Variants in FAM117B observed in about 807,000 individuals in gnomAD.
FAM117B encodes the protein family with sequence similarity 117 member B.
FAM117B carries 22 observed loss-of-function variants against 52.8 expected under a neutral mutation model. The ratio of observed to expected loss-of-function variants is 0.42; its 90% CI spans 0.30 to 0.59. The LOEUF (loss-of-function observed/expected upper bound fraction) is 0.59, where lower values mean the gene tolerates loss of function less well. Among genes scored for constraint, FAM117B ranks in the 20% least tolerant of loss-of-function variants. FAM117B has a pLI of 0.22. For missense variants in FAM117B, 678 were observed against 802.6 expected (o/e 0.84, Z 1.88); for synonymous variants, 309 against 324.1 (o/e 0.95, Z 0.50).
At chr2:202,764,224 C>T (rs1691941385) in intron 7 of FAM117B, among the ~76,000 whole-genome samples, 1 of 152,108 alleles carries the variant, frequency 6.6e-6, no homozygotes, top group South Asian at 2.1e-4. Context: ...TTTGTATCCT[C>T]AGAATTTAGT....
chr2:202,766,982 C>T lies in FAM117B; in HGVS notation c.*1218C>T, dbSNP rs1410194835. On this transcript the variant is annotated 3_prime_UTR_variant, in exon 8 of 8. Transcript: ENST00000392238. ...CTACAGATTTTGCTAATTTACCCCC[C>T]TAACGCTTCACATAGTGGGGAAAAT... 6.6e-6 allele frequency: 1 copy of T among 152,538 alleles called. No individual in the cohort carries two copies. The highest frequency in any genetic ancestry group is 1.5e-5 in the Non-Finnish European group (1 of 68,040). 9.4% of individuals were successfully genotyped at this position (152,538 alleles called of 1,614,324 possible). A position where few individuals can be genotyped will look rare whatever the true frequency, so the allele number is the denominator to read the frequency against.
intron 4 of FAM117B, among the ~76,000 whole-genome samples, chr2:202,749,220 C>A (rs1214341902): frequency 6.6e-6 from 1 of 151,902 alleles, no homozygotes; most frequent in Non-Finnish European, 1.5e-5. Context: ...CTCCTCACCC[C>A]AGGAATTTAT....
At chr2:202,670,794 T>C (rs994933959) in intron 1 of FAM117B, among the ~76,000 whole-genome samples, 1 of 152,236 alleles carries the variant, frequency 6.6e-6, no homozygotes, top group African/African-American at 2.4e-5. Flanking sequence ...ATTATTGTTA[T>C]TAGCTGAGCC....
intron 1 of FAM117B, among the ~76,000 whole-genome samples, chr2:202,682,885 G>A (rs1023761255): frequency 6.6e-6 from 1 of 152,126 alleles, no homozygotes; most frequent in Non-Finnish European, 1.5e-5. Flanking sequence ...CAGTTAAAAC[G>A]TGTAGAAGAA....
At chr2:202,763,982 ATGCC>A (rs1260688684) in intron 7 of FAM117B, among the ~76,000 whole-genome samples, 2 of 152,160 alleles carry the variant, frequency 1.3e-5, no homozygotes, top group African/African-American at 2.4e-5. Flanking sequence ...CTCTGTAATC[ATGCC>A]TGTTAGATTC....
chr2:202,762,904 T>C (rs140412446), intron 7 of FAM117B, among the ~76,000 whole-genome samples: 1 of 152,008 alleles, frequency 6.6e-6, no homozygotes, highest in East Asian at 1.9e-4. Context: ...GTGAGGTATA[T>C]CGTAAGTCTG....
intron 2 of FAM117B, among the ~76,000 whole-genome samples, chr2:202,707,326 AGGT>A (rs1690886935): frequency 6.6e-6 from 1 of 151,466 alleles, no homozygotes; most frequent in Admixed American, 6.6e-5. Flanking sequence ...TTGGGATTAC[AGGT>A]GTGGTCCACT....
intron 1 of FAM117B, among the ~76,000 whole-genome samples, chr2:202,661,207 T>C (rs376335974): frequency 3.9e-5 from 6 of 152,342 alleles, no homozygotes; most frequent in African/African-American, 1.4e-4. Context: ...ACTCCATATA[T>C]GCTGTCCGGG....
chr2:202,687,903 G>C (rs533934201), intron 1 of FAM117B, among the ~76,000 whole-genome samples: 2 of 152,114 alleles, frequency 1.3e-5, no homozygotes, highest in East Asian at 3.9e-4. Context: ...ATCAATATTT[G>C]GTTATGGTAT....
At chr2:202,745,250 A>G (rs1483674736) in intron 4 of FAM117B, among the ~76,000 whole-genome samples, 1 of 151,772 alleles carries the variant, frequency 6.6e-6, no homozygotes, top group Admixed American at 6.6e-5. Context: ...ACTGCACTCC[A>G]TCTTGAGTGA....
Position 202,766,962 on chromosome 2 carries a change from G to C in FAM117B, c.*1198G>C, listed in dbSNP as rs1691990229. On this transcript the variant is annotated 3_prime_UTR_variant, in exon 8 of 8. Coordinates refer to ENST00000392238, the MANE Select transcript of FAM117B (RefSeq NM_173511.4). ...TTGGCCCTGAGATTTGTTGCCTACA[G>C]ATTTTGCTAATTTACCCCCCTAACG... 6.6e-6 allele frequency: 1 copy of C among 152,526 alleles called. No homozygotes were observed. The highest frequency in any genetic ancestry group is 1.5e-5 in the Non-Finnish European group (1 of 68,024). 9.4% of individuals were successfully genotyped at this position (152,526 alleles called of 1,614,324 possible). A position where few individuals can be genotyped will look rare whatever the true frequency, so the allele number is the denominator to read the frequency against.
intron 2 of FAM117B, among the ~76,000 whole-genome samples, chr2:202,712,066 T>C (rs1056687445): frequency 2.0e-5 from 3 of 152,174 alleles, no homozygotes; most frequent in African/African-American, 7.2e-5. Context: ...GATTTTTTTT[T>C]CCATTTCTGT....
At chr2:202,670,679 C>T (rs1690285032) in intron 1 of FAM117B, among the ~76,000 whole-genome samples, 2 of 152,148 alleles carry the variant, frequency 1.3e-5, no homozygotes, top group Admixed American at 6.5e-5. Flanking sequence ...ACCCACAAGG[C>T]AAGAGGGCTT....
At chr2:202,655,759 AGAGTGTGTGTGT>A (rs1690046610) in intron 1 of FAM117B, among the ~76,000 whole-genome samples, 2 of 122,032 alleles carry the variant, frequency 1.6e-5, no homozygotes, top group South Asian at 5.6e-4. Context: ...AGAGAGAGAG[AGAGTGTGTGTGT>A]GTGTGTGTGT....
intron 1 of FAM117B, among the ~76,000 whole-genome samples, chr2:202,673,951 G>A (rs942757174): frequency 6.6e-6 from 1 of 151,882 alleles, no homozygotes; most frequent in Admixed American, 6.6e-5. Context: ...GATTTAATCC[G>A]CATAGCAATC....
Position 202,662,825 on chromosome 2 carries a change from A to G in FAM117B, c.601+27037A>G, listed in dbSNP as rs541202983. On this transcript the variant is annotated intron_variant, in intron 1 of 7. Transcript: ENST00000392238. ...TGCCACTACACTCTAGCCTGGCGAT[A>G]CAGTGAGACTCCATCTCAAAAGAAG... 5.3e-5 allele frequency among the ~76,000 whole-genome samples: 8 copies of G among 152,256 alleles called. No homozygotes were observed. In the South Asian group the frequency reaches 1.7e-3, roughly 32 times the overall value.
chr2:202,742,660 T>TTAATTATATAAACCTTTTTTATA (rs1320671923), intron 4 of FAM117B, among the ~76,000 whole-genome samples: 14 of 152,200 alleles, frequency 9.2e-5, no homozygotes, highest in African/African-American at 3.4e-4. Flanking sequence ...AACAAAAGGT[T>TTAATTATATAAACCTTTTTTATA]GATAAGTTTA....
intron 2 of FAM117B, among the ~76,000 whole-genome samples, chr2:202,714,132 A>ATT (rs1443962675): frequency 1.3e-5 from 2 of 152,072 alleles, no homozygotes; most frequent in Non-Finnish European, 2.9e-5. Flanking sequence ...ATTCCTCATT[A>ATT]TTGATATCTA....
intron 1 of FAM117B, among the ~76,000 whole-genome samples, chr2:202,648,574 T>G (rs1442133110): frequency 1.4e-5 from 2 of 140,884 alleles, no homozygotes; most frequent in East Asian, 4.3e-4. Flanking sequence ...TGTGTGTGTG[T>G]GCGTGTATGT....
Sources: gnomAD v4.1 joint callset for allele counts (sites outside exome capture counted in the v4.1 genomes callset) on GRCh38, gnomAD v4.1.1 for gene constraint, MANE v1.5 for transcripts, NCBI Gene and HGNC (gene_info 2026-07-23, HGNC 2026-07-21) for gene names.